Variants in NPIPB2 observed in about 807,000 individuals in gnomAD.
NPIPB2 encodes the protein nuclear pore complex-interacting protein family member B2.
Under a neutral mutation model 30.8 loss-of-function variants are expected in NPIPB2, and 27 were observed. The ratio of observed to expected loss-of-function variants is 0.88; its 90% CI spans 0.65 to 1.21. The LOEUF (loss-of-function observed/expected upper bound fraction) is 1.21. Among genes scored for constraint, NPIPB2 ranks in the 50% most tolerant of loss-of-function variants. The probability of loss-of-function intolerance (pLI) is 0.00; values close to 1 mark genes in which losing one functional copy is unlikely to be tolerated. For synonymous variants in NPIPB2, 147 were observed against 162.0 expected, an observed-to-expected ratio of 0.91 and a Z score of 0.70; for missense variants, 440 against 446.2, an observed-to-expected ratio of 0.99 and a Z score of 0.13.
chr16:11,952,159 A>C (rs1376612954), intron 1 of NPIPB2, among the ~76,000 whole-genome samples: 40 of 88,744 alleles, frequency 4.5e-4, no homozygotes, highest in African/African-American at 1.6e-3. Flanking sequence ...CCTCAAAAAA[A>C]AAAACAAAAA....
chr16:11,935,397 T>C (rs577799115), intron 2 of NPIPB2, among the ~76,000 whole-genome samples: 1 of 152,110 alleles, frequency 6.6e-6, no homozygotes, highest in South Asian at 2.1e-4. Context: ...CACGGCAACC[T>C]CCACCTCCCA....
chr16:11,973,061 G>A (rs2150946371), intron 1 of NPIPB2, among the ~76,000 whole-genome samples: 1 of 150,552 alleles, frequency 6.6e-6, no homozygotes, highest in South Asian at 2.1e-4. Flanking sequence ...TCAGGAGGCT[G>A]AGGCAGGAGA....
rs1182858210 is a variant in NPIPB2, at chr16:11,939,300, G to A, written c.64-1632C>T. Among the ~76,000 whole-genome samples the A allele has an allele frequency of 3.3e-5, 5 of 151,862 alleles. No homozygotes were observed. In the East Asian group the frequency reaches 7.7e-4, roughly 24 times the overall value. ...AGGTGGGCCGGGCGTGGTGGCTCAC[G>A]CCTGCAATCCCAGCACTTTGGGAAG... On this transcript the variant is annotated intron_variant, in intron 1 of 7. Transcript: ENST00000399147.
At chr16:11,962,458 C>G (rs904538612) in intron 1 of NPIPB2, among the ~76,000 whole-genome samples, 1 of 151,124 alleles carries the variant, frequency 6.6e-6, no homozygotes, top group African/African-American at 2.4e-5. Context: ...AATACAAAAA[C>G]AAAATTAGCC....
chr16:11,958,340 C>T (rs937243354), intron 1 of NPIPB2, among the ~76,000 whole-genome samples: 7 of 151,338 alleles, frequency 4.6e-5, no homozygotes, highest in South Asian at 2.1e-4. Flanking sequence ...AGGCAGGAGA[C>T]GTGCTTGAAC....
chr16:11,964,855 C>T (rs1362716066), intron 1 of NPIPB2, among the ~76,000 whole-genome samples: 2 of 152,194 alleles, frequency 1.3e-5, no homozygotes, highest in Non-Finnish European at 2.9e-5. Context: ...TGAACCCCTG[C>T]AGCTGGCCTC....
At chr16:11,946,250 T>A (rs1317667578), upstream of NPIPB2, among the ~76,000 whole-genome samples, 1 of 151,704 alleles carries the variant, frequency 6.6e-6, no homozygotes, top group Non-Finnish European at 1.5e-5. Context: ...CCAGGCATGG[T>A]GGCACATGCC....
At chr16:11,951,460 C>CAAAAAAAAAAAAAAAAA (rs144775580) in intron 1 of NPIPB2, among the ~76,000 whole-genome samples, 1 of 49,828 alleles carries the variant, frequency 2.0e-5, no homozygotes, top group East Asian at 5.9e-4. Context: ...AAGACTGTCT[C>CAAAAAAAAAAAAAAAAA]AAAAAAAAAA....
chr16:11,946,704 G>T (rs2055014132), upstream of NPIPB2, among the ~76,000 whole-genome samples: 1 of 152,106 alleles, frequency 6.6e-6, no homozygotes, highest in Non-Finnish European at 1.5e-5. Flanking sequence ...AAAGTAAAAT[G>T]GGGCCTGCCA....
intron 1 of NPIPB2, chr16:11,963,861 AC>A (rs2055172985): frequency 6.6e-6 from 1 of 151,796 alleles, no homozygotes; most frequent in African/African-American, 2.4e-5. Flanking sequence ...CACGGCAAAA[AC>A]CCATCTCTAC....
At chr16:11,975,431 G>A (rs1388669927) in intron 1 of NPIPB2, among the ~76,000 whole-genome samples, 1 of 151,852 alleles carries the variant, frequency 6.6e-6, no homozygotes, top group Non-Finnish European at 1.5e-5. Flanking sequence ...ACAGGCGTGA[G>A]CCACCGCGCC....
Position 11,973,090 on chromosome 16 carries a change from G to A in NPIPB2, c.-584+3478C>T, listed in dbSNP as rs554580601. The stretch of plus-strand genomic sequence containing the variant: ...CAGGAGACTCGCTTGAACCTGAGAG[G>A]CAGAGGCAGAAGTTGCGGTGAGCCG... On this transcript the variant is annotated intron_variant, in intron 1 of 5. Transcript: ENST00000538896. 1.1e-4 allele frequency among the ~76,000 whole-genome samples: 16 copies of A among 150,234 alleles called. 1 individual carries two copies. The highest frequency in any genetic ancestry group is 3.5e-4 in the African/African-American group (14 of 40,260).
At chr16:11,966,067 C>G in intron 1 of NPIPB2, 1 of 868,364 alleles carries the variant, frequency 1.2e-6, no homozygotes, top group South Asian at 2.6e-5. Flanking sequence ...GCCGAGATCG[C>G]GCCACTGCAC....
chr16:11,953,761 G>A (rs1048135999), intron 1 of NPIPB2, among the ~76,000 whole-genome samples: 17 of 141,592 alleles, frequency 1.2e-4, no homozygotes, highest in African/African-American at 4.5e-4. Context: ...TGTGGTCTGG[G>A]CTGGAATGCA....
In NPIPB2 at chr16:11,967,585, G is replaced by C. The variant is rs751708019; in HGVS notation, c.-584+8983C>G. 33 of 1,612,922 alleles carry C rather than the reference G, an allele frequency of 2.0e-5. No individual in the cohort carries two copies. The South Asian group carries it at 3.5e-4, about 17-fold the overall frequency. ...ACATAATTAGGATCAGGTCTCCTGGGCATGGCTAACATTGACCTGGAAAAG... is the reference window on the plus strand; with the variant it reads ...ACATAATTAGGATCAGGTCTCCTGGCCATGGCTAACATTGACCTGGAAAAG... On this transcript the variant is annotated intron_variant, in intron 1 of 5. Transcript: ENST00000538896.
At chr16:11,950,695 C>G (rs1222246095) in intron 1 of NPIPB2, among the ~76,000 whole-genome samples, 2 of 152,098 alleles carry the variant, frequency 1.3e-5, no homozygotes, top group Admixed American at 1.3e-4. Context: ...TTTTCTACCG[C>G]TCCCTCCCTC....
intron 1 of NPIPB2, among the ~76,000 whole-genome samples, chr16:11,960,324 C>G (rs2055144073): frequency 6.6e-6 from 1 of 151,366 alleles, no homozygotes; most frequent in East Asian, 1.9e-4. Flanking sequence ...CTTTCTTCCC[C>G]TGGCTTCTGG....
chr16:11,975,901 C>G (rs528660298), intron 1 of NPIPB2, among the ~76,000 whole-genome samples: 1 of 151,698 alleles, frequency 6.6e-6, no homozygotes, highest in Admixed American at 6.6e-5. Context: ...GCCTAGGAGC[C>G]ATATCTTAAA....
chr16:11,971,417 C>T (rs2055234732), intron 1 of NPIPB2, among the ~76,000 whole-genome samples: 1 of 144,504 alleles, frequency 6.9e-6, no homozygotes. Flanking sequence ...GAAAGGCAGG[C>T]CAACTAGAAG....
Sources: allele counts gnomAD v4.1 joint callset (sites outside exome capture counted in the v4.1 genomes callset), GRCh38; gene constraint gnomAD v4.1.1; transcripts MANE v1.5; gene names NCBI Gene and HGNC (gene_info 2026-07-23, HGNC 2026-07-21).